The following HS3ST5 variants were observed in gnomAD, a reference collection of about 807,000 sequenced individuals.
The protein encoded by HS3ST5 is heparan sulfate-glucosamine 3-sulfotransferase 5, also known as heparan sulfate glucosamine 3-O-sulfotransferase 5.
In HS3ST5, 10 loss-of-function variants were observed where a neutral mutation model predicts 25.4. That is an observed-to-expected ratio of 0.39 (90% CI 0.24 to 0.67). The LOEUF is 0.67. Ranked by LOEUF, HS3ST5 falls within the 30% of genes least tolerant of loss-of-function variation. The probability of loss-of-function intolerance (pLI) is 0.44; values close to 1 mark genes in which losing one functional copy is unlikely to be tolerated. For missense variants in HS3ST5, 324 were observed against 420.7 expected (o/e 0.77, Z 2.01); for synonymous variants, 170 against 162.4 (o/e 1.05, Z -0.36).
intron 1 of HS3ST5, among the ~76,000 whole-genome samples, chr6:114,295,473 C>T (rs1354698262): frequency 6.6e-6 from 1 of 152,150 alleles, no homozygotes; most frequent in Middle Eastern, 3.2e-3. Flanking sequence ...GCCACATTTA[C>T]AGATGTATCA....
chr6:114,308,245 T>C (rs1582805033), intron 1 of HS3ST5, among the ~76,000 whole-genome samples: 1 of 152,296 alleles, frequency 6.6e-6, no homozygotes, highest in Non-Finnish European at 1.5e-5. Context: ...AATATTCTTG[T>C]ACTTATTTGA....
chr6:114,186,107 A>G (rs73538698), intron 2 of HS3ST5, among the ~76,000 whole-genome samples: 2,088 of 152,056 alleles, frequency 0.014, 57 homozygotes, highest in African/African-American at 0.049. Flanking sequence ...GGGCCTCCCT[A>G]TTCTGCGAGA....
chr6:114,326,093 C>T (rs550246438), intron 1 of HS3ST5, among the ~76,000 whole-genome samples: 4 of 151,566 alleles, frequency 2.6e-5, no homozygotes, highest in African/African-American at 7.3e-5. Flanking sequence ...TGTGTTTTAT[C>T]TCTATTAAAA....
At chr6:114,329,240 G>C (rs1189587986) in intron 1 of HS3ST5, among the ~76,000 whole-genome samples, 2 of 152,114 alleles carry the variant, frequency 1.3e-5, no homozygotes, top group African/African-American at 4.8e-5. Context: ...CTTTTTCACT[G>C]ATATTCAACC....
chr6:114,226,663 A>G (rs762970306), intron 2 of HS3ST5, among the ~76,000 whole-genome samples: 3 of 151,954 alleles, frequency 2.0e-5, no homozygotes, highest in Non-Finnish European at 4.4e-5. Flanking sequence ...TGTTTCTATG[A>G]TTCTATAAAG....
chr6:114,152,953 C>T (rs1483966233), intron 3 of HS3ST5, among the ~76,000 whole-genome samples: 1 of 152,166 alleles, frequency 6.6e-6, no homozygotes, highest in Non-Finnish European at 1.5e-5. Flanking sequence ...TTTTCATGCT[C>T]TTTATTTTGC....
intron 1 of HS3ST5, among the ~76,000 whole-genome samples, chr6:114,291,052 C>T (rs1450374467): frequency 6.6e-6 from 1 of 151,970 alleles, no homozygotes; most frequent in African/African-American, 2.4e-5. Flanking sequence ...TCTTTCTGTC[C>T]CCTGTCAAAT....
intron 3 of HS3ST5, among the ~76,000 whole-genome samples, chr6:114,135,153 ACTGCAGATAC>A (rs1777531130): frequency 6.6e-6 from 1 of 152,222 alleles, no homozygotes; most frequent in Admixed American, 6.5e-5. Flanking sequence ...CTTCAGAGCC[ACTGCAGATAC>A]CTGCAGGCTG....
intron 3 of HS3ST5, among the ~76,000 whole-genome samples, chr6:114,067,951 G>A (rs1162160531): frequency 6.6e-6 from 1 of 151,832 alleles, no homozygotes; most frequent in African/African-American, 2.4e-5. Flanking sequence ...TATCTCACAG[G>A]GTTCTTATGA....
At chr6:114,302,152 C>T (rs2114812350) in intron 1 of HS3ST5, among the ~76,000 whole-genome samples, 1 of 152,252 alleles carries the variant, frequency 6.6e-6, no homozygotes, top group East Asian at 1.9e-4. Flanking sequence ...GCAGGAGTCA[C>T]ACATTCATTT....
chr6:114,246,293 G>T (rs925285970), intron 1 of HS3ST5, among the ~76,000 whole-genome samples: 6 of 152,188 alleles, frequency 3.9e-5, no homozygotes, highest in Admixed American at 1.3e-4. Flanking sequence ...GAAATTACTG[G>T]AAACTTGCAG....
At chr6:114,267,041 G>A (rs141107266) in intron 1 of HS3ST5, among the ~76,000 whole-genome samples, 1 of 152,094 alleles carries the variant, frequency 6.6e-6, no homozygotes, top group Non-Finnish European at 1.5e-5. Flanking sequence ...GCCAGCCTTT[G>A]CCCAAAACAT....
rs547222192 is a variant in HS3ST5 at position 114,086,088 on chromosome 6, C to G, written c.-32-23211G>C. On this transcript the variant is annotated intron_variant, in intron 3 of 4. Coordinates refer to ENST00000312719, the MANE Select transcript of HS3ST5 (RefSeq NM_153612.4). ...AAAAAACGGTTCTATTTGAAAGTTACTCTGACATGCTATTAAAGGCAGTGT... is the reference window on the plus strand; with the variant it reads ...AAAAAACGGTTCTATTTGAAAGTTAGTCTGACATGCTATTAAAGGCAGTGT... 5.9e-5 allele frequency among the ~76,000 whole-genome samples: 9 copies of G among 152,192 alleles called. No individual in the cohort carries two copies. The South Asian group carries it at 1.9e-3, about 32-fold the overall frequency.
chr6:114,261,681 CTAAATGAGTG>C (rs1186402511), intron 1 of HS3ST5, among the ~76,000 whole-genome samples: 1 of 152,142 alleles, frequency 6.6e-6, no homozygotes. Flanking sequence ...TAGTTTATTG[CTAAATGAGTG>C]TAAATTCTTA....
intron 3 of HS3ST5, among the ~76,000 whole-genome samples, chr6:114,088,491 C>G (rs753649270): frequency 2.0e-5 from 3 of 151,814 alleles, no homozygotes; most frequent in Non-Finnish European, 4.4e-5. Flanking sequence ...TCTGATCCCA[C>G]TAATGGAAAG....
At chr6:114,108,585 A>G (rs1356458812) in intron 3 of HS3ST5, among the ~76,000 whole-genome samples, 1 of 152,160 alleles carries the variant, frequency 6.6e-6, no homozygotes, top group Non-Finnish European at 1.5e-5. Flanking sequence ...CTCTACCGAC[A>G]AAGCTCAACA....
intron 2 of HS3ST5, among the ~76,000 whole-genome samples, chr6:114,172,124 A>T (rs1016649857): frequency 2.0e-5 from 3 of 152,210 alleles, no homozygotes; most frequent in African/African-American, 7.2e-5. Context: ...TGAGCAGGCT[A>T]TAAAGCTGTA....
At chr6:114,292,622 T>G (rs1311705061) in intron 1 of HS3ST5, among the ~76,000 whole-genome samples, 1 of 152,208 alleles carries the variant, frequency 6.6e-6, no homozygotes, top group Non-Finnish European at 1.5e-5. Context: ...AGAGTCATTT[T>G]CATAAGTACT....
intron 3 of HS3ST5, among the ~76,000 whole-genome samples, chr6:114,076,883 A>G (rs1029328686): frequency 6.6e-6 from 1 of 152,230 alleles, no homozygotes; most frequent in African/African-American, 2.4e-5. Flanking sequence ...CAGGATGCTC[A>G]TAATTGCTCT....
Sources: allele counts gnomAD v4.1 joint callset (sites outside exome capture counted in the v4.1 genomes callset), GRCh38; gene constraint gnomAD v4.1.1; transcripts MANE v1.5; gene names NCBI Gene and HGNC (gene_info 2026-07-23, HGNC 2026-07-21).